The following DUSP29 variants were observed in gnomAD, a reference collection of about 807,000 sequenced individuals.
The protein encoded by DUSP29 is dual specificity phosphatase 29.
In DUSP29, 12 loss-of-function variants were observed where a neutral mutation model predicts 13.5. The observed-to-expected ratio is 0.89, with a 90% CI of 0.57 to 1.44. The LOEUF (loss-of-function observed/expected upper bound fraction) is 1.44, where lower values mean the gene tolerates loss of function less well. Ranked by LOEUF, DUSP29 falls within the 40% of genes most tolerant of loss-of-function variation. DUSP29 has a pLI of 0.00. For missense variants in DUSP29, 308 were observed against 301.1 expected, an observed-to-expected ratio of 1.02 and a Z score of -0.17; for synonymous variants, 134 against 128.7, an observed-to-expected ratio of 1.04 and a Z score of -0.28.
intron 1 of DUSP29, among the ~76,000 whole-genome samples, chr10:75,066,622 GA>G (rs943543455): frequency 6.6e-6 from 1 of 151,884 alleles, no homozygotes; most frequent in Non-Finnish European, 1.5e-5. Flanking sequence ...CATATGGAGG[GA>G]AAAAAACAAA....
chr10:75,051,120 G>A (rs1158585393), intron 2 of DUSP29, among the ~76,000 whole-genome samples: 1 of 152,162 alleles, frequency 6.6e-6, no homozygotes, highest in African/African-American at 2.4e-5. Context: ...AGGAGAGCAG[G>A]CCCTCCTTCC....
chr10:75,058,276 G>A (rs1406990295), intron 2 of DUSP29, 39 bp downstream of exon 2: 2 of 1,588,432 alleles, frequency 1.3e-6, no homozygotes, highest in Admixed American at 3.4e-5. Context: ...GGGAGGGGCT[G>A]CTGCCTGCTC....
chr10:75,052,692 G>T (rs2395128), intron 2 of DUSP29, among the ~76,000 whole-genome samples: 47,935 of 151,670 alleles, frequency 0.32, 13,607 homozygotes, highest in African/African-American at 0.75. Context: ...CTTCAAGCGA[G>T]CCACCTGCCT....
chr10:75,062,268 C>T (rs11001269), intron 1 of DUSP29, among the ~76,000 whole-genome samples: 51,139 of 152,034 alleles, frequency 0.34, 9,525 homozygotes, highest in East Asian at 0.73. Flanking sequence ...GCACCATACA[C>T]CTAAAGGTGG....
At chr10:75,058,211 G>A (rs1161829199) in intron 2 of DUSP29, 104 bp downstream of exon 2, 1 of 1,372,772 alleles carries the variant, frequency 7.3e-7, no homozygotes, top group Middle Eastern at 2.6e-4. Flanking sequence ...AGTTCTCACA[G>A]AACGACTACA....
At chr10:75,061,579 TTGA>T (rs1331650430) in intron 1 of DUSP29, among the ~76,000 whole-genome samples, 1 of 152,180 alleles carries the variant, frequency 6.6e-6, no homozygotes, top group Non-Finnish European at 1.5e-5. Flanking sequence ...TTAGTAAAGT[TTGA>T]TAATAATTGT....
At chr10:75,054,580 A>T (rs573156075) in intron 2 of DUSP29, among the ~76,000 whole-genome samples, 3 of 152,350 alleles carry the variant, frequency 2.0e-5, no homozygotes, top group African/African-American at 7.2e-5. Flanking sequence ...TCTAGGAGGA[A>T]ATATACCACA....
chr10:75,047,287 G>A (rs1189561170), intron 2 of DUSP29, among the ~76,000 whole-genome samples: 1 of 152,188 alleles, frequency 6.6e-6, no homozygotes, highest in Non-Finnish European at 1.5e-5. Context: ...ACAGCAGAAT[G>A]GGAATCTGCA....
At chr10:75,061,352 T>C (rs1373033415) in intron 1 of DUSP29, among the ~76,000 whole-genome samples, 1 of 152,062 alleles carries the variant, frequency 6.6e-6, no homozygotes, top group Non-Finnish European at 1.5e-5. Flanking sequence ...GAAGCCAGGG[T>C]TTGTGACTTC....
At chr10:75,053,208 C>T (rs928042035) in intron 2 of DUSP29, among the ~76,000 whole-genome samples, 1 of 152,208 alleles carries the variant, frequency 6.6e-6, no homozygotes, top group African/African-American at 2.4e-5. Flanking sequence ...TAGAATTTGG[C>T]TTAATCTTGG....
At chr10:75,041,694 C>G (rs1846587172) in intron 3 of DUSP29, among the ~76,000 whole-genome samples, 1 of 152,218 alleles carries the variant, frequency 6.6e-6, no homozygotes, top group South Asian at 2.1e-4. Context: ...TGCTCCCCAT[C>G]CCTAGCCATC....
At chr10:75,042,350 A>G (rs1269124784) in intron 3 of DUSP29, among the ~76,000 whole-genome samples, 1 of 152,258 alleles carries the variant, frequency 6.6e-6, no homozygotes, top group African/African-American at 2.4e-5. Context: ...TGCATTAAAC[A>G]GAAACTGAAG....
chr10:75,073,213 A>G (rs1405582277), intron 1 of DUSP29, among the ~76,000 whole-genome samples: 1 of 152,050 alleles, frequency 6.6e-6, no homozygotes, highest in African/African-American at 2.4e-5. Context: ...CTCGCCCCCG[A>G]GATTTCTCCC....
intron 2 of DUSP29, among the ~76,000 whole-genome samples, chr10:75,055,946 A>C (rs142484464): frequency 1.3e-5 from 2 of 152,122 alleles, no homozygotes; most frequent in African/African-American, 4.8e-5. Flanking sequence ...CTGTTGCTCT[A>C]TCCCTCAGGC....
chr10:75,070,606 T>G (rs1438714126), intron 1 of DUSP29, among the ~76,000 whole-genome samples: 3 of 152,110 alleles, frequency 2.0e-5, no homozygotes, highest in Non-Finnish European at 4.4e-5. Context: ...AATTCCCAGC[T>G]GTACTGGGAG....
At chr10:75,058,794 G>A (rs1212632896) in intron 1 of DUSP29, among the ~76,000 whole-genome samples, 1 of 152,206 alleles carries the variant, frequency 6.6e-6, no homozygotes, top group Non-Finnish European at 1.5e-5. Flanking sequence ...TTGGACGTGG[G>A]CCAAGGCGGG....
At position 75,043,215 on chromosome 10, in the gene DUSP29, G is replaced by A. The variant is rs145882585; in HGVS notation, c.421+582C>T. 1.4e-3 allele frequency among the ~76,000 whole-genome samples: 210 copies of A among 152,324 alleles called. 9 individuals are homozygous for A. In the East Asian group the frequency reaches 0.033, roughly 24 times the overall value. ...GGCCTCACGAGGCTGAGTGTAACTG[G>A]GGAGTGTAACTTGGTTGGTGGGCAG... On this transcript the variant is annotated intron_variant, in intron 3 of 3. Coordinates refer to ENST00000338487, the MANE Select transcript of DUSP29 (RefSeq NM_001003892.3).
At chr10:75,053,562 G>A (rs1778983798) in intron 2 of DUSP29, among the ~76,000 whole-genome samples, 1 of 152,222 alleles carries the variant, frequency 6.6e-6, no homozygotes, top group Non-Finnish European at 1.5e-5. Context: ...AATTGGCAGA[G>A]CCAAGACTCA....
chr10:75,041,197 T>A (rs941619515), intron 3 of DUSP29, among the ~76,000 whole-genome samples: 3 of 152,226 alleles, frequency 2.0e-5, no homozygotes, highest in Admixed American at 6.5e-5. Context: ...GCTGAGCACC[T>A]GCCGTCCACT....
Sources: allele counts gnomAD v4.1 joint callset (sites outside exome capture counted in the v4.1 genomes callset), GRCh38; gene constraint gnomAD v4.1.1; transcripts MANE v1.5; gene names NCBI Gene and HGNC (gene_info 2026-07-23, HGNC 2026-07-21).